The following CDH4 variants were observed in gnomAD, a reference collection of about 807,000 sequenced individuals.
CDH4 encodes the protein cadherin 4, also known as cadherin-4.
A neutral mutation model predicts 86.0 loss-of-function variants in CDH4; 33 were observed. The observed-to-expected ratio is 0.38, with a 90% CI of 0.29 to 0.51. The LOEUF (loss-of-function observed/expected upper bound fraction) is 0.51, where lower values mean the gene tolerates loss of function less well. Among genes scored for constraint, CDH4 ranks in the 20% least tolerant of loss-of-function variants. The probability of loss-of-function intolerance (pLI) is 0.86; values close to 1 mark genes in which losing one functional copy is unlikely to be tolerated. For synonymous variants in CDH4, 555 were observed against 549.4 expected, an observed-to-expected ratio of 1.01 and a Z score of -0.14; for missense variants, 1,114 against 1,307.4, an observed-to-expected ratio of 0.85 and a Z score of 2.28.
chr20:61,830,880 C>T (rs1267872739), intron 4 of CDH4, among the ~76,000 whole-genome samples: 1 of 152,252 alleles, frequency 6.6e-6, no homozygotes, highest in Non-Finnish European at 1.5e-5. Context: ...CCGCTCCTCT[C>T]TCCTGATGCC....
In CDH4 at chr20:61,309,302, C is replaced by A. The variant is rs17204298; in HGVS notation, c.169+54365C>A. On this transcript the variant is annotated intron_variant, in intron 2 of 15. Coordinates refer to ENST00000614565, the MANE Select transcript of CDH4 (RefSeq NM_001794.5). ...TGTGGCACTGAGACATGGATGGGGG[C>A]GCCTCACTGTGATGACCTTGCAGGT... Among the ~76,000 whole-genome samples, 319 of 152,162 alleles carry A rather than the reference C, an allele frequency of 2.1e-3. 1 individual carries two copies. The East Asian group carries it at 0.056, about 27-fold the overall frequency.
intron 2 of CDH4, among the ~76,000 whole-genome samples, chr20:61,428,542 G>T (rs990432096): frequency 6.6e-6 from 1 of 152,158 alleles, no homozygotes; most frequent in Non-Finnish European, 1.5e-5. Flanking sequence ...GACACTGTGG[G>T]CAATTCATAC....
chr20:61,780,876 T>C (rs62204655), intron 4 of CDH4, among the ~76,000 whole-genome samples: 3 of 152,192 alleles, frequency 2.0e-5, no homozygotes, highest in Non-Finnish European at 4.4e-5. Flanking sequence ...ACAGACGTGC[T>C]GGTCACAGGA....
chr20:61,568,828 G>A (rs1177761471), intron 2 of CDH4, among the ~76,000 whole-genome samples: 1 of 152,156 alleles, frequency 6.6e-6, no homozygotes, highest in African/African-American at 2.4e-5. Flanking sequence ...CTTCCTGGGA[G>A]GCTGCAGCTC....
At position 61,811,810 on chromosome 20, in the gene CDH4, T is replaced by C. The variant is rs1006584967; in HGVS notation, c.577-32858T>C. Among the ~76,000 whole-genome samples the C allele has an allele frequency of 6.6e-6, 1 of 151,838 alleles. No individual in the cohort carries two copies. The highest frequency in any genetic ancestry group is 1.5e-5 in the Non-Finnish European group (1 of 67,980). ...CCTCAGCCTCCCATGTAGCTGGTAC[T>C]ACAGGCACACGTCACCATGCCCGGT... On this transcript the variant is annotated intron_variant, in intron 4 of 15. Transcript: ENST00000614565. This position sits in a 1 kb window ranked among gnomAD's most constrained non-coding sequence, Gnocchi z 4.4.
At chr20:61,409,082 T>C (rs151128831) in intron 2 of CDH4, among the ~76,000 whole-genome samples, 74 of 152,344 alleles carry the variant, frequency 4.9e-4, no homozygotes, top group African/African-American at 1.7e-3. Context: ...TGTTTCTGTC[T>C]TCAAAGACCC....
At chr20:61,536,090 C>T (rs937230175) in intron 2 of CDH4, among the ~76,000 whole-genome samples, 3 of 152,312 alleles carry the variant, frequency 2.0e-5, no homozygotes, top group South Asian at 2.1e-4. Context: ...GGGAATGGCC[C>T]AGTGAGTGGC....
chr20:61,524,313 A>G (rs1318431147), intron 2 of CDH4, among the ~76,000 whole-genome samples: 2 of 152,186 alleles, frequency 1.3e-5, no homozygotes, highest in Non-Finnish European at 2.9e-5. Flanking sequence ...GGAAAGCTGG[A>G]GAAGACCTGG....
At chr20:61,321,013 G>A (rs547196306) in intron 2 of CDH4, among the ~76,000 whole-genome samples, 5 of 152,194 alleles carry the variant, frequency 3.3e-5, no homozygotes, top group African/African-American at 1.2e-4. Flanking sequence ...AGCTGCTCTA[G>A]CCTTTTAAAC....
At chr20:61,308,634 T>G (rs2084429715) in intron 2 of CDH4, among the ~76,000 whole-genome samples, 2 of 152,220 alleles carry the variant, frequency 1.3e-5, no homozygotes, top group African/African-American at 4.8e-5. Context: ...GCTTACTGTT[T>G]GGCACCATCC....
At chr20:61,396,924 T>G (rs2085020837) in intron 2 of CDH4, among the ~76,000 whole-genome samples, 1 of 152,186 alleles carries the variant, frequency 6.6e-6, no homozygotes, top group Non-Finnish European at 1.5e-5. Flanking sequence ...AATACTGTTT[T>G]GTTTTTGAGA....
intron 2 of CDH4, among the ~76,000 whole-genome samples, chr20:61,700,354 A>T (rs1170885227): frequency 6.6e-6 from 1 of 152,224 alleles, no homozygotes; most frequent in Non-Finnish European, 1.5e-5. Flanking sequence ...GTGGCTGGTC[A>T]CGTCTCCTGC....
chr20:61,677,838 A>G (rs566777750), intron 2 of CDH4, among the ~76,000 whole-genome samples: 232 of 151,772 alleles, frequency 1.5e-3, no homozygotes, highest in African/African-American at 5.1e-3. Context: ...TGGAGGACAG[A>G]TGATAGGCTA....
At chr20:61,474,749 A>G (rs571775241) in intron 2 of CDH4, among the ~76,000 whole-genome samples, 4 of 151,574 alleles carry the variant, frequency 2.6e-5, no homozygotes, top group South Asian at 2.1e-4. Context: ...TCCATTTTTG[A>G]TACTTCCAAG....
chr20:61,842,786 T>A (rs540104442), intron 4 of CDH4, among the ~76,000 whole-genome samples: 3 of 152,346 alleles, frequency 2.0e-5, no homozygotes, highest in South Asian at 2.1e-4. Flanking sequence ...TGCTGCTTCC[T>A]GCTTTCTTGT....
chr20:61,398,984 A>G (rs2085034214), intron 2 of CDH4, among the ~76,000 whole-genome samples: 1 of 152,194 alleles, frequency 6.6e-6, no homozygotes, highest in South Asian at 2.1e-4. Flanking sequence ...TGTAGGTTAA[A>G]TGCTGATGTG....
At chr20:61,766,184 C>T (rs2088696640) in intron 3 of CDH4, among the ~76,000 whole-genome samples, 1 of 151,284 alleles carries the variant, frequency 6.6e-6, no homozygotes, top group Non-Finnish European at 1.5e-5. Flanking sequence ...ACCCTCCCCT[C>T]CCTACCCCAC....
intron 2 of CDH4, among the ~76,000 whole-genome samples, chr20:61,590,940 G>T (rs1025111429): frequency 6.6e-6 from 1 of 151,988 alleles, no homozygotes; most frequent in African/African-American, 2.4e-5. Context: ...CATGAGGGCA[G>T]TTGGTCTCCA....
intron 6 of CDH4, among the ~76,000 whole-genome samples, chr20:61,868,087 T>C (rs1056699788): frequency 4.6e-5 from 7 of 152,246 alleles, no homozygotes; most frequent in African/African-American, 1.4e-4. Context: ...GCTTGGTTAA[T>C]GAGCATAAAC....
Sources: allele counts gnomAD v4.1 joint callset (sites outside exome capture counted in the v4.1 genomes callset), GRCh38; gene constraint gnomAD v4.1.1; non-coding constraint Gnocchi (gnomAD v3.1); transcripts MANE v1.5; gene names NCBI Gene and HGNC (gene_info 2026-07-23, HGNC 2026-07-21).